Variants in SYNDIG1 observed in about 807,000 individuals in gnomAD.
SYNDIG1 encodes the protein synapse differentiation-inducing gene protein 1.
A neutral mutation model predicts 19.4 loss-of-function variants in SYNDIG1; 9 were observed. The observed-to-expected ratio is 0.46, with a 90% confidence interval of 0.28 to 0.81. The LOEUF (loss-of-function observed/expected upper bound fraction) is 0.81. SYNDIG1 is among the 30% of genes least tolerant of loss of function. SYNDIG1 has a pLI of 0.12. For missense variants in SYNDIG1, 311 were observed against 343.3 expected, an observed-to-expected ratio of 0.91 and a Z score of 0.74; for synonymous variants, 141 against 145.9, an observed-to-expected ratio of 0.97 and a Z score of 0.24.
At position 24,533,874 on chromosome 20, in the gene SYNDIG1, A is replaced by T. The variant is rs565384791; in HGVS notation, c.-78-9146A>T. 6.6e-5 allele frequency among the ~76,000 whole-genome samples: 10 copies of T among 152,290 alleles called. No homozygotes were observed. The East Asian group carries it at 1.9e-3, about 29-fold the overall frequency. On this transcript the variant is annotated intron_variant, in intron 1 of 3. Coordinates refer to ENST00000376862, the MANE Select transcript of SYNDIG1 (RefSeq NM_024893.3). The stretch of plus-strand genomic sequence containing the variant: ...CAGCCCCTGTGTTAGTCCATTTTGC[A>T]TGGCTATAAAGGTATTCACCTAAGC...
At chr20:24,565,067 G>A (rs938534443) in intron 2 of SYNDIG1, among the ~76,000 whole-genome samples, 2 of 152,094 alleles carry the variant, frequency 1.3e-5, no homozygotes, top group Admixed American at 1.3e-4. Flanking sequence ...CCCTTGATAC[G>A]GTTCATCTGA....
chr20:24,606,955 G>A (rs2058765157), intron 3 of SYNDIG1, among the ~76,000 whole-genome samples: 1 of 152,224 alleles, frequency 6.6e-6, no homozygotes, highest in Admixed American at 6.5e-5. Context: ...TGTCAATAGG[G>A]AGTTTGAAAT....
At chr20:24,629,240 G>A (rs906301378) in intron 3 of SYNDIG1, among the ~76,000 whole-genome samples, 6 of 152,142 alleles carry the variant, frequency 3.9e-5, no homozygotes, top group East Asian at 3.9e-4. Flanking sequence ...TCGGCTCCCC[G>A]CTTATGCTGA....
intron 3 of SYNDIG1, among the ~76,000 whole-genome samples, chr20:24,623,907 G>T (rs1414307607): frequency 6.6e-6 from 1 of 152,190 alleles, no homozygotes; most frequent in Non-Finnish European, 1.5e-5. Context: ...TAATCTGACT[G>T]TATTAATTAT....
In SYNDIG1 at chr20:24,665,450, T is replaced by C. The variant is rs150020045; in HGVS notation, c.723T>C (p.Tyr241=). ...VLSITIGTGV[Y]VGVAVALIAY... ...CCATCACCATTGGGACTGGCGTCTATGTGGGCGTGGCCGTGGCCCTCATCG... is the reference window on the plus strand; with the variant it reads ...CCATCACCATTGGGACTGGCGTCTACGTGGGCGTGGCCGTGGCCCTCATCG... Residue 241 remains tyrosine (Y), a synonymous_variant, in exon 4 of 4, where the codon TAT becomes TAC. Coordinates refer to ENST00000376862, the MANE Select transcript of SYNDIG1 (RefSeq NM_024893.3). 356 of 1,613,870 alleles carry C rather than the reference T, an allele frequency of 2.2e-4. 1 individual carries two copies. The highest frequency in any genetic ancestry group is 1.8e-3 in the Middle Eastern group (11 of 6,084).
At position 24,543,192 on chromosome 20, in the gene SYNDIG1, T is replaced by C. The variant is rs1475192850; in HGVS notation, c.95T>C (p.Met32Thr). 9 of 1,613,922 alleles carry C rather than the reference T, an allele frequency of 5.6e-6. No homozygotes were observed. The highest frequency in any genetic ancestry group is 1.1e-5 in the South Asian group (1 of 91,076). The change falls in exon 2 of 4, where the codon ATG (methionine) becomes ACG (threonine). Residue 32 changes from methionine to threonine, a missense_variant. Met to Thr is a moderately conservative substitution (Grantham distance 81). Transcript: ENST00000376862. ...RNGLINTRNLMAESRDGLVSV... is the reference protein window; with the variant it reads ...RNGLINTRNLTAESRDGLVSV... ...GGTTTAATTAACACCAGAAACTTGA[T>C]GGCCGAGAGCAGAGATGGTCTGGTG...
chr20:24,620,815 T>C (rs1415866045), intron 3 of SYNDIG1, among the ~76,000 whole-genome samples: 2 of 152,240 alleles, frequency 1.3e-5, no homozygotes, highest in African/African-American at 4.8e-5. Context: ...ACGGAACAAT[T>C]GTTTTCCTAA....
chr20:24,654,674 A>AAGGAAGGT, intron 3 of SYNDIG1, among the ~76,000 whole-genome samples: 8 of 149,974 alleles, frequency 5.3e-5, no homozygotes, highest in African/African-American at 2.0e-4. Context: ...GGAAGGAAGG[A>AAGGAAGGT]AGGAAGGAAG....
intron 1 of SYNDIG1, among the ~76,000 whole-genome samples, chr20:24,531,155 T>C (rs943373961): frequency 1.3e-5 from 2 of 152,052 alleles, no homozygotes; most frequent in Admixed American, 1.3e-4. Flanking sequence ...GTAGCTGACT[T>C]CATTCTGTTT....
At chr20:24,581,450 A>G (rs556856861) in intron 2 of SYNDIG1, among the ~76,000 whole-genome samples, 1 of 152,166 alleles carries the variant, frequency 6.6e-6, no homozygotes, top group Non-Finnish European at 1.5e-5. Flanking sequence ...AGAAATGGCC[A>G]TTCCCCAGCC....
chr20:24,665,532 C>G lies in SYNDIG1; in HGVS notation c.*28C>G, dbSNP rs11553411. On this transcript the variant is annotated 3_prime_UTR_variant, in exon 4 of 4. Transcript: ENST00000376862. ...TTCCTGCGAATGGAGGGGGAGCACC[C>G]GGGGCCAGGTCTGTGTGGACGTGGA... The G allele has an allele frequency of 6.2e-7, 1 of 1,613,678 alleles. No individual in the cohort carries two copies. Among genetic ancestry groups the G allele is most frequent in the Admixed American group, 1.7e-5 (1 of 59,926 alleles).
chr20:24,595,658 C>T (rs1384294427), intron 3 of SYNDIG1, among the ~76,000 whole-genome samples: 1 of 152,152 alleles, frequency 6.6e-6, no homozygotes, highest in African/African-American at 2.4e-5. Flanking sequence ...ATTTCTGATT[C>T]AGTTTTGGAA....
At chr20:24,606,518 T>C (rs1313813529) in intron 3 of SYNDIG1, among the ~76,000 whole-genome samples, 1 of 152,246 alleles carries the variant, frequency 6.6e-6, no homozygotes, top group Non-Finnish European at 1.5e-5. Flanking sequence ...CCTTAGGTTA[T>C]TATAGAATTG....
At position 24,543,274 on chromosome 20, in the gene SYNDIG1, G is replaced by T; in HGVS notation, c.177G>T (p.Pro59=). 1.9e-6 allele frequency: 3 copies of T among 1,613,610 alleles called. No homozygotes were observed. The highest frequency in any genetic ancestry group is 2.5e-6 in the Non-Finnish European group (3 of 1,180,020). The change falls in exon 2 of 4, where the codon CCG becomes CCT. Residue 59 remains proline (P), a synonymous_variant. Transcript: ENST00000376862. ...ACCGGGTGGGGGCCAGCACAGTGCC[G>T]GCCAGCCTGGACAGCAGCAGGAGTG... is the stretch of plus-strand genomic sequence containing the variant. ...QSHRVGASTV[P]ASLDSSRSEP...
intron 1 of SYNDIG1, among the ~76,000 whole-genome samples, chr20:24,503,556 T>C (rs774825496): frequency 6.6e-5 from 10 of 152,124 alleles, no homozygotes; most frequent in Non-Finnish European, 1.3e-4. Flanking sequence ...ATAGAAGCAA[T>C]GAGCGTCACC....
At chr20:24,518,041 C>T (rs1315222316) in intron 1 of SYNDIG1, among the ~76,000 whole-genome samples, 4 of 151,662 alleles carry the variant, frequency 2.6e-5, no homozygotes, top group South Asian at 2.1e-4. Context: ...CTCTTGATCT[C>T]GTGATCCACC....
rs10658853 is a variant in SYNDIG1 at position 24,560,694 on chromosome 20, CTT to C, written c.480+17137_480+17138del. Among the ~76,000 whole-genome samples, 32 of 113,792 alleles carry C rather than the reference CTT, an allele frequency of 2.8e-4. 1 individual carries two copies. The highest frequency in any genetic ancestry group is 5.3e-4 in the East Asian group (2 of 3,806). The allele number at this position is 113,792 out of a possible 152,430, so 74.7% of individuals were successfully genotyped here. ...CCCCCGAGACAGTTTCTGTTGACTACTTTTTTTTTTTTTTTTTTTTTAAACTA... is the reference window on the plus strand; with the variant it reads ...CCCCCGAGACAGTTTCTGTTGACTACTTTTTTTTTTTTTTTTTTTAAACTA... On this transcript the variant is annotated intron_variant, in intron 2 of 3. Coordinates refer to ENST00000376862, the MANE Select transcript of SYNDIG1 (RefSeq NM_024893.3).
chr20:24,642,451 C>G (rs760645472), intron 3 of SYNDIG1, among the ~76,000 whole-genome samples: 1 of 152,114 alleles, frequency 6.6e-6, no homozygotes, highest in African/African-American at 2.4e-5. Flanking sequence ...AGCCCACACT[C>G]GAAGGGTAGG....
At chr20:24,557,204 C>T (rs1009372266) in intron 2 of SYNDIG1, among the ~76,000 whole-genome samples, 7 of 152,238 alleles carry the variant, frequency 4.6e-5, no homozygotes, top group South Asian at 2.1e-4. Context: ...GGTATCCATT[C>T]GTCTAAATTT....
Sources: gnomAD v4.1 joint callset for allele counts (sites outside exome capture counted in the v4.1 genomes callset) on GRCh38, gnomAD v4.1.1 for gene constraint, MANE v1.5 for transcripts, NCBI Gene and HGNC (gene_info 2026-07-23, HGNC 2026-07-21) for gene names.